ARHGAP12: variants seen among roughly 807,000 people sequenced by gnomAD.
The protein encoded by ARHGAP12 is Rho GTPase activating protein 12, also known as rho GTPase-activating protein 12.
In ARHGAP12, 64 loss-of-function variants were observed where a neutral mutation model predicts 108.6. The ratio of observed to expected loss-of-function variants is 0.59; its 90% confidence interval spans 0.48 to 0.73. The LOEUF (loss-of-function observed/expected upper bound fraction) is 0.73, where lower values mean the gene tolerates loss of function less well. Ranked by LOEUF, ARHGAP12 falls within the 30% of genes least tolerant of loss-of-function variation. ARHGAP12 has a pLI of 0.00. For missense variants in ARHGAP12, 940 were observed against 1,005.9 expected (o/e 0.93, Z 0.89); for synonymous variants, 312 against 337.2 (o/e 0.93, Z 0.82).
At chr10:31,835,702 A>AT (rs1454830541) in intron 9 of ARHGAP12, among the ~76,000 whole-genome samples, 6 of 152,356 alleles carry the variant, frequency 3.9e-5, no homozygotes, top group African/African-American at 1.4e-4. Context: ...TTGTGTAATA[A>AT]TAAGATTTTA....
intron 13 of ARHGAP12, among the ~76,000 whole-genome samples, 180 bp downstream of exon 13, chr10:31,817,608 G>A (rs997616192): frequency 6.6e-6 from 1 of 152,090 alleles, no homozygotes; most frequent in African/African-American, 2.4e-5. Context: ...AAGTGAGAAT[G>A]TTAAATCATT....
intron 18 of ARHGAP12, 83 bp downstream of exon 18, chr10:31,808,911 G>A: frequency 2.1e-6 from 3 of 1,422,012 alleles, no homozygotes; most frequent in Admixed American, 2.2e-5. Flanking sequence ...CTTGCTTAAA[G>A]TAAGATAAAA....
chr10:31,927,426 AC>A (rs1840096800), intron 1 of ARHGAP12, among the ~76,000 whole-genome samples: 3 of 152,140 alleles, frequency 2.0e-5, no homozygotes, highest in Admixed American at 6.5e-5. Context: ...TTCCATTGAA[AC>A]ACCCGGAGTC....
In ARHGAP12 at chr10:31,920,108, A is replaced by G. The variant is rs186481653; in HGVS notation, c.-111+8575T>C. ...GTGACAGAGCAAGACTCTGTCTCAA[A>G]AAAAAAAAAAAGTAAATACTAAAAA... On this transcript the variant is annotated intron_variant, in intron 1 of 19. Transcript: ENST00000344936. 5.8e-3 allele frequency among the ~76,000 whole-genome samples: 870 copies of G among 150,552 alleles called. 5 individuals are homozygous for G. The highest frequency in any genetic ancestry group is 9.3e-3 in the Non-Finnish European group (628 of 67,564).
chr10:31,828,610 T>C (rs1835712738), intron 10 of ARHGAP12, among the ~76,000 whole-genome samples: 1 of 152,138 alleles, frequency 6.6e-6, no homozygotes, highest in Non-Finnish European at 1.5e-5. Context: ...TGAGAACAAA[T>C]ATTGAATACA....
rs527855161 is a variant in ARHGAP12, at chr10:31,821,233, G to C, written c.1531-745C>G. On this transcript the variant is annotated intron_variant, in intron 11 of 19. Coordinates refer to ENST00000344936, the MANE Select transcript of ARHGAP12 (RefSeq NM_018287.7). ...GCAATTTAATGAGGAACTATGAAAA[G>C]AATGGGAAGACAGTTGTTACGGGTG... Among the ~76,000 whole-genome samples the C allele has an allele frequency of 2.0e-5, 3 of 152,246 alleles. No homozygotes were observed. The South Asian group carries it at 6.2e-4, about 32-fold the overall frequency.
chr10:31,923,608 G>A (rs1302683199), intron 1 of ARHGAP12, among the ~76,000 whole-genome samples: 2 of 152,128 alleles, frequency 1.3e-5, no homozygotes, highest in Admixed American at 6.5e-5. Flanking sequence ...AAAAAGGAAC[G>A]AACTGTTGAT....
At chr10:31,834,923 G>A (rs1835956665) in intron 9 of ARHGAP12, among the ~76,000 whole-genome samples, 1 of 152,130 alleles carries the variant, frequency 6.6e-6, no homozygotes, top group African/African-American at 2.4e-5. Context: ...ATTTAAGGCA[G>A]GGCACGGTGG....
intron 3 of ARHGAP12, among the ~76,000 whole-genome samples, chr10:31,903,110 A>G (rs1838994274): frequency 6.6e-6 from 1 of 152,150 alleles, no homozygotes; most frequent in African/African-American, 2.4e-5. Context: ...CAACGGGGAT[A>G]TTTTCTGAGA....
At chr10:31,811,191 T>C (rs1835002905) in intron 15 of ARHGAP12, among the ~76,000 whole-genome samples, 1 of 152,226 alleles carries the variant, frequency 6.6e-6, no homozygotes, top group African/African-American at 2.4e-5. Flanking sequence ...AGTATAAGTT[T>C]CATGAGGGAG....
chr10:31,863,098 G>A (rs1837192154), intron 3 of ARHGAP12, among the ~76,000 whole-genome samples: 2 of 152,122 alleles, frequency 1.3e-5, no homozygotes, highest in Non-Finnish European at 2.9e-5. Context: ...GTCACTGTTG[G>A]TCTTCTTACA....
intron 3 of ARHGAP12, among the ~76,000 whole-genome samples, chr10:31,899,384 GA>G (rs548903668): frequency 1.1e-3 from 173 of 152,258 alleles, no homozygotes; most frequent in African/African-American, 4.0e-3. Context: ...TGGACAAAGT[GA>G]AATTTAAACC....
chr10:31,893,410 G>C (rs531594628), intron 3 of ARHGAP12, among the ~76,000 whole-genome samples: 4 of 151,824 alleles, frequency 2.6e-5, no homozygotes, highest in Non-Finnish European at 4.4e-5. Flanking sequence ...ATGATAAAGG[G>C]GATATCACCA....
rs555804828 is a variant in ARHGAP12, at chr10:31,893,148, G to A, written c.684+15024C>T. ...CACTAAATGCCCACAAGAGAAAGCA[G>A]GAAAGATCTAAAATTGACACCCTAA... On this transcript the variant is annotated intron_variant, in intron 3 of 19. Coordinates refer to ENST00000344936, the MANE Select transcript of ARHGAP12 (RefSeq NM_018287.7). Among the ~76,000 whole-genome samples the A allele has an allele frequency of 2.6e-5, 4 of 152,236 alleles. No individual in the cohort carries two copies. The East Asian group carries it at 7.7e-4, about 29-fold the overall frequency.
intron 3 of ARHGAP12, among the ~76,000 whole-genome samples, chr10:31,872,823 A>G (rs1837591423): frequency 6.6e-6 from 1 of 152,140 alleles, no homozygotes. Flanking sequence ...CTCATTTATT[A>G]CCATTCTCCC....
At chr10:31,829,771 G>A (rs1414655902) in intron 10 of ARHGAP12, among the ~76,000 whole-genome samples, 1 of 152,128 alleles carries the variant, frequency 6.6e-6, no homozygotes, top group African/African-American at 2.4e-5. Flanking sequence ...ACCGTTCACC[G>A]GCAGTTTTTC....
intron 9 of ARHGAP12, among the ~76,000 whole-genome samples, chr10:31,832,734 A>T (rs939541828): frequency 6.6e-6 from 1 of 152,192 alleles, no homozygotes; most frequent in Non-Finnish European, 1.5e-5. Flanking sequence ...ATATTTTCTC[A>T]ATGTACTTTA....
chr10:31,835,702 A>G (rs1053257009), intron 9 of ARHGAP12, among the ~76,000 whole-genome samples: 12 of 152,356 alleles, frequency 7.9e-5, no homozygotes, highest in African/African-American at 2.6e-4. Flanking sequence ...TTGTGTAATA[A>G]TAAGATTTTA....
intron 6 of ARHGAP12, among the ~76,000 whole-genome samples, chr10:31,845,121 T>C (rs1210037976): frequency 6.6e-6 from 1 of 152,190 alleles, no homozygotes; most frequent in South Asian, 2.1e-4. Flanking sequence ...ACAACTCTTG[T>C]TGCTACTGCT....
Sources: allele counts gnomAD v4.1 joint callset (sites outside exome capture counted in the v4.1 genomes callset), GRCh38; gene constraint gnomAD v4.1.1; transcripts MANE v1.5; gene names NCBI Gene and HGNC (gene_info 2026-07-23, HGNC 2026-07-21).